The following TAF4B variants were observed in gnomAD, a reference collection of about 807,000 sequenced individuals.
TAF4B encodes transcription initiation factor TFIID subunit 4B.
Under a neutral mutation model 86.4 loss-of-function variants are expected in TAF4B, and 38 were observed. That is an observed-to-expected ratio of 0.44 (90% CI 0.34 to 0.58). TAF4B has a LOEUF of 0.58. TAF4B is among the 20% of genes least tolerant of loss of function. The probability of loss-of-function intolerance (pLI) is 0.02; values close to 1 mark genes in which losing one functional copy is unlikely to be tolerated. For missense variants in TAF4B, 988 were observed against 1,027.6 expected (o/e 0.96, Z 0.53); for synonymous variants, 388 against 391.2 (o/e 0.99, Z 0.10).
chr18:26,346,510 C>T (rs1207602889), intron 13 of TAF4B, among the ~76,000 whole-genome samples: 1 of 151,474 alleles, frequency 6.6e-6, no homozygotes. Context: ...GCTGGAAGAA[C>T]CCCAAGTAGA....
intron 13 of TAF4B, among the ~76,000 whole-genome samples, chr18:26,346,807 A>ATATATATGTG (rs1567913828): frequency 1.9e-4 from 6 of 31,464 alleles, no homozygotes; most frequent in South Asian, 1.4e-3. Context: ...ATGTGTATAT[A>ATATATATGTG]TATATATATG....
intron 7 of TAF4B, among the ~76,000 whole-genome samples, chr18:26,289,463 T>G (rs1227431748): frequency 6.6e-6 from 1 of 152,114 alleles, no homozygotes; most frequent in African/African-American, 2.4e-5. Flanking sequence ...CATTTGCGTT[T>G]GTTTTGTTTG....
chr18:26,366,838 G>A (rs942182907), intron 14 of TAF4B, among the ~76,000 whole-genome samples: 1 of 152,112 alleles, frequency 6.6e-6, no homozygotes, highest in East Asian at 1.9e-4. Context: ...ATATATACAT[G>A]TGCTTTTAAA....
intron 13 of TAF4B, among the ~76,000 whole-genome samples, chr18:26,349,391 A>G (rs2144722498): frequency 6.6e-6 from 1 of 152,322 alleles, no homozygotes; most frequent in South Asian, 2.1e-4. Flanking sequence ...TCCTTACCTA[A>G]TGAACTAGCT....
chr18:26,346,206 A>T (rs2057177599), intron 13 of TAF4B, among the ~76,000 whole-genome samples: 1 of 152,146 alleles, frequency 6.6e-6, no homozygotes, highest in Non-Finnish European at 1.5e-5. Context: ...CAGCTGTAGA[A>T]TTCAGTGAAT....
At chr18:26,284,314 G>T (rs1201253333) in intron 6 of TAF4B, among the ~76,000 whole-genome samples, 1 of 152,164 alleles carries the variant, frequency 6.6e-6, no homozygotes, top group Non-Finnish European at 1.5e-5. Context: ...TTGATCTTCT[G>T]TCCACACCAC....
At chr18:26,359,797 C>T (rs2057316418) in intron 14 of TAF4B, among the ~76,000 whole-genome samples, 1 of 152,084 alleles carries the variant, frequency 6.6e-6, no homozygotes, top group African/African-American at 2.4e-5. Flanking sequence ...CTCACTGCAG[C>T]CTCAACTTCC....
intron 9 of TAF4B, among the ~76,000 whole-genome samples, chr18:26,298,647 C>T (rs1002800278): frequency 2.0e-5 from 3 of 152,108 alleles, no homozygotes; most frequent in African/African-American, 7.2e-5. Context: ...ACCCATCTGC[C>T]TCAGGCTCTC....
chr18:26,332,954 G>A (rs536050543), intron 12 of TAF4B, among the ~76,000 whole-genome samples: 17 of 151,958 alleles, frequency 1.1e-4, no homozygotes, highest in Admixed American at 6.6e-4. Flanking sequence ...ATGGACCATC[G>A]TTCTTTCCTC....
rs1279288269 is a variant in TAF4B, at chr18:26,391,093, A to G, written c.*1081A>G. 6.6e-6 allele frequency: 1 copy of G among 152,124 alleles called. No homozygotes were observed. Among genetic ancestry groups the G allele is most frequent in the Non-Finnish European group, 1.5e-5 (1 of 68,030 alleles). 9.4% of individuals were successfully genotyped at this position (152,124 alleles called of 1,614,324 possible). A position where few individuals can be genotyped will look rare whatever the true frequency, so the allele number is the denominator to read the frequency against. On this transcript the variant is annotated 3_prime_UTR_variant, in exon 15 of 15. Transcript: ENST00000269142. ...TTTTAACAATAGGACTTTATGTTGG[A>G]TTCTGTACTTAAAAGGTACTGTCAA...
In TAF4B at chr18:26,334,462, C is replaced by T. The variant is rs756191585; in HGVS notation, c.2260-713C>T. On this transcript the variant is annotated intron_variant, in intron 12 of 14. Transcript: ENST00000269142. ...GATATACGTATCCCAAACATGTTTT[C>T]CAGTGGACAGATATTCATGGTGTCA... 6.4e-4 allele frequency among the ~76,000 whole-genome samples: 98 copies of T among 152,252 alleles called. 2 individuals carry two copies. Among genetic ancestry groups the T allele is most frequent in the Non-Finnish European group, 1.8e-4 (12 of 68,010 alleles).
At chr18:26,383,989 G>A (rs1056772356) in intron 14 of TAF4B, among the ~76,000 whole-genome samples, 1 of 152,140 alleles carries the variant, frequency 6.6e-6, no homozygotes, top group Non-Finnish European at 1.5e-5. Context: ...GTTACACTGG[G>A]TCAGGTATCC....
intron 9 of TAF4B, among the ~76,000 whole-genome samples, chr18:26,303,338 C>T (rs1305733823): frequency 7.2e-6 from 1 of 139,242 alleles, no homozygotes; most frequent in East Asian, 2.2e-4. Flanking sequence ...ATACCTCCTC[C>T]ACTTTCATAC....
intron 9 of TAF4B, 107 bp downstream of exon 9, chr18:26,293,638 C>G (rs1277495785): frequency 1.6e-6 from 1 of 617,668 alleles, no homozygotes; most frequent in Non-Finnish European, 2.7e-6. Flanking sequence ...TGCCTTTTTA[C>G]AAAGCTAACA....
chr18:26,257,841 G>A (rs2056106656), intron 1 of TAF4B, among the ~76,000 whole-genome samples: 3 of 110,978 alleles, frequency 2.7e-5, no homozygotes, highest in Admixed American at 1.0e-4. Context: ...TCCTCTGCGT[G>A]CGTGTGTGTG....
chr18:26,324,573 G>A (rs1018070384), intron 11 of TAF4B, among the ~76,000 whole-genome samples: 1 of 152,150 alleles, frequency 6.6e-6, no homozygotes, highest in Non-Finnish European at 1.5e-5. Flanking sequence ...TATCAGTAGC[G>A]TATTTCCAAA....
intron 3 of TAF4B, among the ~76,000 whole-genome samples, chr18:26,271,216 G>A (rs988683909): frequency 4.6e-5 from 7 of 152,196 alleles, no homozygotes; most frequent in Non-Finnish European, 1.0e-4. Context: ...AATTTTGAAA[G>A]TATTTTCCTA....
chr18:26,343,136 T>A (rs1320180796), intron 13 of TAF4B, among the ~76,000 whole-genome samples: 1 of 152,172 alleles, frequency 6.6e-6, no homozygotes, highest in Non-Finnish European at 1.5e-5. Context: ...GTGGTGAGGT[T>A]GCCACCCTCC....
At chr18:26,353,375 A>C (rs2057260450) in intron 13 of TAF4B, among the ~76,000 whole-genome samples, 1 of 152,194 alleles carries the variant, frequency 6.6e-6, no homozygotes, top group Admixed American at 6.5e-5. Context: ...TAATTTAGAA[A>C]TATGTTTGAT....
Sources: gnomAD v4.1 joint callset for allele counts (sites outside exome capture counted in the v4.1 genomes callset) on GRCh38, gnomAD v4.1.1 for gene constraint, MANE v1.5 for transcripts, NCBI Gene and HGNC (gene_info 2026-07-23, HGNC 2026-07-21) for gene names.